FRMPD4: variants seen among roughly 807,000 people sequenced by gnomAD.
FRMPD4 encodes FERM and PDZ domain-containing protein 4.
FRMPD4 carries 22 observed loss-of-function variants against 94.1 expected under a neutral mutation model. The observed-to-expected ratio is 0.23, with a 90% CI of 0.17 to 0.33. The LOEUF (loss-of-function observed/expected upper bound fraction) is 0.33. Among genes scored for constraint, FRMPD4 ranks in the 10% least tolerant of loss-of-function variants. FRMPD4 has a pLI of 1.00. For missense variants in FRMPD4, 1,111 were observed against 1,339.9 expected, an observed-to-expected ratio of 0.83 and a Z score of 2.67; for synonymous variants, 631 against 548.6, an observed-to-expected ratio of 1.15 and a Z score of -2.10.
At chrX:12,532,819 G>A (rs1181274711) in intron 2 of FRMPD4, among the ~76,000 whole-genome samples, 1 of 111,929 alleles carries the variant, frequency 8.9e-6, no homozygotes, top group African/African-American at 3.2e-5. Context: ...ATGCTGCTAA[G>A]TATCCTGCAG....
intron 1 of FRMPD4, among the ~76,000 whole-genome samples, chrX:12,334,702 C>T (rs765669176): frequency 9.1e-6 from 1 of 110,466 alleles, no homozygotes; most frequent in Non-Finnish European, 1.9e-5. Flanking sequence ...TAATTCTTTC[C>T]GTTAAATTTG....
chrX:12,166,082 A>T (rs1303485285), intron 1 of FRMPD4, among the ~76,000 whole-genome samples: 2 of 111,780 alleles, frequency 1.8e-5, no homozygotes, highest in Non-Finnish European at 3.8e-5. Flanking sequence ...TACTTCCAAC[A>T]CTATGTTGAA....
At chrX:12,036,948 A>G (rs143354479) in intron 3 of FRMPD4, among the ~76,000 whole-genome samples, 186 of 112,315 alleles carry the variant, frequency 1.7e-3, no homozygotes, top group African/African-American at 5.8e-3. Flanking sequence ...ACCATTTACT[A>G]TTCCACCTCC....
chrX:12,157,201 T>A (rs1239427553), intron 1 of FRMPD4, among the ~76,000 whole-genome samples: 1 of 112,167 alleles, frequency 8.9e-6, no homozygotes, highest in Non-Finnish European at 1.9e-5. Context: ...TTATCCTTTT[T>A]TATATTCTGC....
intron 3 of FRMPD4, among the ~76,000 whole-genome samples, chrX:12,043,280 G>T (rs930831994): frequency 7.2e-5 from 8 of 111,605 alleles, no homozygotes; most frequent in African/African-American, 2.6e-4. Flanking sequence ...TGTGGTAAAC[G>T]AAATGATATC....
At chrX:12,351,140 C>A (rs147567147) in intron 1 of FRMPD4, among the ~76,000 whole-genome samples, 2,312 of 103,945 alleles carry the variant, frequency 0.022, 21 homozygotes, top group Non-Finnish European at 0.036. Flanking sequence ...CAACTGTACT[C>A]CAGCCTGGTG....
chrX:12,719,382 A>G (rs759558464), intron 16 of FRMPD4, among the ~76,000 whole-genome samples: 49 of 112,606 alleles, frequency 4.4e-4, no homozygotes, highest in Non-Finnish European at 6.9e-4. Context: ...CCCCAAAATA[A>G]TAAAGTGTAA....
At chrX:12,652,018 T>A (rs1225351444) in intron 4 of FRMPD4, among the ~76,000 whole-genome samples, 2 of 112,612 alleles carry the variant, frequency 1.8e-5, no homozygotes, top group Non-Finnish European at 3.8e-5. Context: ...ATTCCTTTAG[T>A]TATCTCACAT....
chrX:12,569,242 G>A (rs753132126), intron 2 of FRMPD4, among the ~76,000 whole-genome samples: 50 of 111,087 alleles, frequency 4.5e-4, no homozygotes, highest in Middle Eastern at 4.7e-3. Context: ...TAAAGCAGAC[G>A]AAGACAACAT....
chrX:12,498,458 C>A lies in FRMPD4; in HGVS notation c.42-222C>A. The A allele has an allele frequency of 3.6e-5, 15 of 419,174 alleles. No individual in the cohort carries two copies. In the South Asian group the frequency reaches 4.9e-4, roughly 14 times the overall value. 34.5% of individuals were successfully genotyped at this position (419,174 alleles called of 1,213,427 possible). A position where few individuals can be genotyped will look rare whatever the true frequency, so the allele number is the denominator to read the frequency against. ...CTCTTTCTTCTTGATCTTGGAAAGG[C>A]AGGCACCTAGAAAATTCTCCAGAAC... is the stretch of plus-strand genomic sequence containing the variant. On this transcript the variant is annotated intron_variant, in intron 1 of 16. Coordinates refer to ENST00000675598, the MANE Select transcript of FRMPD4 (RefSeq NM_001368397.1).
intron 4 of FRMPD4, among the ~76,000 whole-genome samples, chrX:12,655,439 GT>G (rs1469082192): frequency 9.0e-6 from 1 of 110,997 alleles, no homozygotes; most frequent in East Asian, 2.8e-4. Flanking sequence ...GGATCCTCTT[GT>G]TGGTTTTTGG....
At chrX:12,561,924 G>A (rs139165867) in intron 2 of FRMPD4, among the ~76,000 whole-genome samples, 2,409 of 112,301 alleles carry the variant, frequency 0.021, 65 homozygotes, top group African/African-American at 0.074. Context: ...GCCAAAGGGC[G>A]AGCAGACATC....
At chrX:12,151,640 C>T (rs2055852999) in intron 1 of FRMPD4, among the ~76,000 whole-genome samples, 1 of 111,474 alleles carries the variant, frequency 9.0e-6, no homozygotes, top group Admixed American at 9.5e-5. Flanking sequence ...AGATCGTTAG[C>T]CTTCTATTTT....
chrX:12,525,220 T>C (rs1181274694), intron 2 of FRMPD4, among the ~76,000 whole-genome samples: 1 of 111,212 alleles, frequency 9.0e-6, no homozygotes, highest in Non-Finnish European at 1.9e-5. Flanking sequence ...CCCTCGCCAC[T>C]TTTCTGCCCA....
intron 1 of FRMPD4, among the ~76,000 whole-genome samples, chrX:12,146,965 T>A (rs2055777905): frequency 9.0e-6 from 1 of 111,728 alleles, no homozygotes. Flanking sequence ...GGGTGACAGG[T>A]TTTTAAGGGC....
At chrX:11,890,813 G>A (rs1331361461) in intron 3 of FRMPD4, among the ~76,000 whole-genome samples, 1 of 112,618 alleles carries the variant, frequency 8.9e-6, no homozygotes, top group Non-Finnish European at 1.9e-5. Context: ...GAGTCTAAAT[G>A]TTTAAAGGAA....
chrX:12,430,665 C>T (rs939365395), intron 1 of FRMPD4, among the ~76,000 whole-genome samples: 1 of 111,753 alleles, frequency 8.9e-6, no homozygotes, highest in African/African-American at 3.3e-5. Flanking sequence ...ATTGATGGCC[C>T]TCAATGACAA....
intron 1 of FRMPD4, among the ~76,000 whole-genome samples, chrX:12,282,655 A>G (rs1259903197): frequency 8.9e-6 from 1 of 112,067 alleles, no homozygotes; most frequent in African/African-American, 3.2e-5. Flanking sequence ...AGAGAACACC[A>G]TGCGGTGATA....
chrX:12,448,634 A>G (rs1298447288), intron 1 of FRMPD4, among the ~76,000 whole-genome samples: 1 of 112,517 alleles, frequency 8.9e-6, no homozygotes, highest in Non-Finnish European at 1.9e-5. Flanking sequence ...TTTTTTGTGC[A>G]AGGAAGACTA....
Sources: allele counts gnomAD v4.1 joint callset (sites outside exome capture counted in the v4.1 genomes callset), GRCh38; gene constraint gnomAD v4.1.1; transcripts MANE v1.5; gene names NCBI Gene and HGNC (gene_info 2026-07-23, HGNC 2026-07-21).